The following RNGTT variants were observed in gnomAD, a reference collection of about 807,000 sequenced individuals.
RNGTT encodes the protein RNA guanylyltransferase and 5'-phosphatase.
In RNGTT, 33 loss-of-function variants were observed where a neutral mutation model predicts 79.3. That is an observed-to-expected ratio of 0.42 (90% CI 0.32 to 0.56). The LOEUF is 0.56. Ranked by LOEUF, RNGTT falls within the 20% of genes least tolerant of loss-of-function variation. The pLI is 0.17. For missense variants in RNGTT, 497 were observed against 739.1 expected, an observed-to-expected ratio of 0.67 and a Z score of 3.80; for synonymous variants, 222 against 235.9, an observed-to-expected ratio of 0.94 and a Z score of 0.54.
At chr6:88,670,716 A>G (rs1260874622) in intron 14 of RNGTT, among the ~76,000 whole-genome samples, 6 of 152,242 alleles carry the variant, frequency 3.9e-5, no homozygotes, top group African/African-American at 1.2e-4. Flanking sequence ...CTGTTCTGCT[A>G]GCCCCCATCA....
intron 13 of RNGTT, among the ~76,000 whole-genome samples, chr6:88,754,116 A>T (rs1777928199): frequency 6.6e-6 from 1 of 152,232 alleles, no homozygotes; most frequent in African/African-American, 2.4e-5. Context: ...GATCCTAGGA[A>T]GATGATAAAT....
chr6:88,907,870 G>A (rs1441228732), intron 4 of RNGTT, among the ~76,000 whole-genome samples: 2 of 151,558 alleles, frequency 1.3e-5, no homozygotes, highest in East Asian at 3.9e-4. Flanking sequence ...CAGAGTAGCT[G>A]GAACTACAGG....
intron 14 of RNGTT, among the ~76,000 whole-genome samples, chr6:88,632,372 A>AT (rs1772924080): frequency 6.6e-6 from 1 of 152,196 alleles, no homozygotes; most frequent in African/African-American, 2.4e-5. Flanking sequence ...GACTTGCAGC[A>AT]TCCCAGTCCA....
In RNGTT at chr6:88,941,139, C is replaced by T. The variant is rs1422067974; in HGVS notation, c.106G>A (p.Asp36Asn). Reference sequence around the variant, plus strand: ...CGATTTTCTTCAGCAACTTGACTATCATATCTTGGTCCTAACATTGTCTTC... The same window carrying T: ...CGATTTTCTTCAGCAACTTGACTATTATATCTTGGTCCTAACATTGTCTTC... ...PLKTMLGPRYDSQVAEENRFH... is the reference protein window; with the variant it reads ...PLKTMLGPRYNSQVAEENRFH... Residue 36 changes from aspartate (D) to asparagine (N), a missense_variant, in exon 2 of 16, where the codon GAT becomes AAT. Asp to Asn is a conservative substitution (Grantham distance 23). Around this residue, in one of 3 missense-constraint regions of RNGTT, gnomAD observed 440 missense variants for 671.5 expected, o/e 0.66. Coordinates refer to ENST00000369485, the MANE Select transcript of RNGTT (RefSeq NM_003800.5). 1 of 1,613,344 alleles carries T rather than the reference C, an allele frequency of 6.2e-7. No homozygotes were observed. The highest frequency in any genetic ancestry group is 2.2e-5 in the East Asian group (1 of 44,848).
At chr6:88,631,876 C>T (rs1001753151) in intron 14 of RNGTT, among the ~76,000 whole-genome samples, 5 of 151,892 alleles carry the variant, frequency 3.3e-5, no homozygotes, top group Non-Finnish European at 5.9e-5. Context: ...TAACAGAGAA[C>T]TGTGAAAATG....
chr6:88,767,832 C>G (rs1778516312), intron 13 of RNGTT, among the ~76,000 whole-genome samples: 1 of 152,060 alleles, frequency 6.6e-6, no homozygotes, highest in Non-Finnish European at 1.5e-5. Context: ...GATAAACAAT[C>G]CCACATTTGA....
chr6:88,894,163 T>C (rs2127936394), intron 6 of RNGTT, among the ~76,000 whole-genome samples: 1 of 152,322 alleles, frequency 6.6e-6, no homozygotes, highest in Non-Finnish European at 1.5e-5. Context: ...GTGCTGATAC[T>C]GCTCATTATT....
chr6:88,781,601 C>T (rs1387994355), intron 12 of RNGTT, among the ~76,000 whole-genome samples: 1 of 152,120 alleles, frequency 6.6e-6, no homozygotes, highest in African/African-American at 2.4e-5. Flanking sequence ...TCCTCTAAGA[C>T]TCCAAATACA....
intron 13 of RNGTT, among the ~76,000 whole-genome samples, chr6:88,682,472 C>T (rs568069232): frequency 1.4e-4 from 22 of 152,322 alleles, no homozygotes; most frequent in South Asian, 4.1e-4. Flanking sequence ...GTAGTGCCAT[C>T]TTCAACTTAA....
intron 12 of RNGTT, among the ~76,000 whole-genome samples, chr6:88,784,895 T>G (rs1343522811): frequency 6.6e-6 from 1 of 152,106 alleles, no homozygotes; most frequent in African/African-American, 2.4e-5. Context: ...AAAAGTGGAA[T>G]GAAAATAAGA....
intron 2 of RNGTT, among the ~76,000 whole-genome samples, chr6:88,932,436 G>C (rs1784540752): frequency 6.6e-6 from 1 of 152,032 alleles, no homozygotes; most frequent in South Asian, 2.1e-4. Context: ...TGAAGCATGT[G>C]ATCCCTGTGA....
intron 13 of RNGTT, among the ~76,000 whole-genome samples, chr6:88,757,883 G>T (rs752223924): frequency 6.6e-6 from 1 of 152,112 alleles, no homozygotes; most frequent in Non-Finnish European, 1.5e-5. Context: ...TCCAACCTCA[G>T]ATTCCAAAAA....
chr6:88,887,096 G>C (rs923794559), intron 8 of RNGTT, among the ~76,000 whole-genome samples: 5 of 147,316 alleles, frequency 3.4e-5, no homozygotes, highest in Non-Finnish European at 7.4e-5. Context: ...GTTATCTCCA[G>C]GCCCTCAGGC....
intron 12 of RNGTT, among the ~76,000 whole-genome samples, chr6:88,777,623 G>A (rs1004520490): frequency 1.1e-4 from 16 of 152,122 alleles, no homozygotes; most frequent in African/African-American, 3.9e-4. Context: ...ATCGATTGGT[G>A]TAAAGAAATG....
At chr6:88,720,179 T>C (rs1214863152) in intron 13 of RNGTT, among the ~76,000 whole-genome samples, 1 of 152,112 alleles carries the variant, frequency 6.6e-6, no homozygotes, top group Non-Finnish European at 1.5e-5. Context: ...AGATAGAATA[T>C]CCTAAGTAAA....
chr6:88,825,130 T>C (rs1044942734), intron 11 of RNGTT, among the ~76,000 whole-genome samples: 3 of 152,158 alleles, frequency 2.0e-5, no homozygotes, highest in Non-Finnish European at 4.4e-5. Context: ...AATTCTTAAG[T>C]GAAAATGCTT....
rs114849098 is a variant in RNGTT at position 88,733,729 on chromosome 6, G to C, written c.1439+36045C>G. ...AGAGGAAAAACTCCTCTCACCTATA[G>C]AGGGTAAGAGTACATAACAAGAATC... On this transcript the variant is annotated intron_variant, in intron 13 of 15. Transcript: ENST00000369485. Among the ~76,000 whole-genome samples the C allele has an allele frequency of 1.7e-3, 255 of 151,964 alleles. 1 individual carries two copies. The highest frequency in any genetic ancestry group is 6.0e-3 in the African/African-American group (248 of 41,464).
At chr6:88,639,572 C>T (rs1455583139) in intron 14 of RNGTT, among the ~76,000 whole-genome samples, 1 of 152,198 alleles carries the variant, frequency 6.6e-6, no homozygotes, top group Non-Finnish European at 1.5e-5. Context: ...GAAATTGGCT[C>T]ATACTTCCCT....
chr6:88,683,375 T>C (rs1033193496), intron 13 of RNGTT, among the ~76,000 whole-genome samples: 2 of 151,972 alleles, frequency 1.3e-5, no homozygotes, highest in South Asian at 2.1e-4. Context: ...CCTAGAAAAA[T>C]ATAATGCACT....
Sources: allele counts gnomAD v4.1 joint callset (sites outside exome capture counted in the v4.1 genomes callset), GRCh38; gene constraint gnomAD v4.1.1; regional missense constraint gnomAD v4.1.1; transcripts MANE v1.5; gene names NCBI Gene and HGNC (gene_info 2026-07-23, HGNC 2026-07-21).